The following SUMF1 variants were observed in gnomAD, a reference collection of about 807,000 sequenced individuals.
SUMF1 encodes the protein formylglycine-generating enzyme.
SUMF1 carries 48 observed loss-of-function variants against 47.6 expected under a neutral mutation model. That is an observed-to-expected ratio of 1.01 (90% confidence interval 0.80 to 1.28). The LOEUF is 1.28. SUMF1 is among the 50% of genes most tolerant of loss of function. The pLI is 0.00. For synonymous variants in SUMF1, 230 were observed against 192.1 expected (o/e 1.20, Z -1.63); for missense variants, 571 against 485.4 (o/e 1.18, Z -1.66).
At chr3:4,402,010 A>G (rs770817156) in intron 7 of SUMF1, among the ~76,000 whole-genome samples, 13 of 152,198 alleles carry the variant, frequency 8.5e-5, no homozygotes, top group Non-Finnish European at 1.3e-4. Flanking sequence ...CATAAGAAGT[A>G]GGAAAATATG....
intron 8 of SUMF1, among the ~76,000 whole-genome samples, chr3:4,280,814 CGTGTGT>C (rs56919301): frequency 0.038 from 5,223 of 137,776 alleles, 150 homozygotes; most frequent in East Asian, 0.062. Flanking sequence ...TGGCATTCAC[CGTGTGT>C]GTGTGTGTGT....
chr3:4,273,522 A>G (rs1256354237), intron 8 of SUMF1, among the ~76,000 whole-genome samples: 1 of 152,054 alleles, frequency 6.6e-6, no homozygotes, highest in African/African-American at 2.4e-5. Flanking sequence ...GAAACAGAGG[A>G]TGACTGAAAA....
chr3:4,158,245 G>A (rs1484554107), intron 8 of SUMF1, among the ~76,000 whole-genome samples: 2 of 151,624 alleles, frequency 1.3e-5, no homozygotes, highest in Non-Finnish European at 2.9e-5. Flanking sequence ...CAAATGTTTT[G>A]TATAGTTTCC....
intron 3 of SUMF1, among the ~76,000 whole-genome samples, chr3:4,426,351 C>T (rs747475879): frequency 1.3e-5 from 2 of 152,176 alleles, no homozygotes; most frequent in African/African-American, 2.4e-5. Flanking sequence ...CAACTGAGGA[C>T]TGACGAAATC....
At chr3:4,460,469 CCTGT>C (rs2079781010) in intron 1 of SUMF1, among the ~76,000 whole-genome samples, 1 of 151,974 alleles carries the variant, frequency 6.6e-6, no homozygotes, top group South Asian at 2.1e-4. Flanking sequence ...TCTCTCTTGC[CCTGT>C]CTTTCACCCG....
chr3:4,125,556 C>A (rs1201252710), intron 8 of SUMF1, among the ~76,000 whole-genome samples: 2 of 152,192 alleles, frequency 1.3e-5, no homozygotes, highest in African/African-American at 2.4e-5. Context: ...ATGAGAATGT[C>A]ATGAGAAATA....
intron 8 of SUMF1, among the ~76,000 whole-genome samples, chr3:4,187,306 T>A (rs1396141269): frequency 6.6e-6 from 1 of 152,144 alleles, no homozygotes; most frequent in African/African-American, 2.4e-5. Context: ...GAGCTTGAGG[T>A]TGCAGTGAGC....
chr3:4,367,684 T>C lies in SUMF1; in HGVS notation c.1015-5430A>G, dbSNP rs561861963. On this transcript the variant is annotated intron_variant, in intron 8 of 8. Coordinates refer to ENST00000272902, the MANE Select transcript of SUMF1 (RefSeq NM_182760.4). ...CAGAGCCCTCAGAAATAACGCCGCA[T>C]GTCTACAACTGTCTGATCTTTGACA... is the stretch of plus-strand genomic sequence containing the variant. Among the ~76,000 whole-genome samples the C allele has an allele frequency of 1.2e-3, 176 of 152,290 alleles. 1 individual carries two copies. The South Asian group carries it at 0.013, about 12-fold the overall frequency.
At chr3:4,070,536 T>C (rs1021196115) in intron 8 of SUMF1, among the ~76,000 whole-genome samples, 3 of 152,304 alleles carry the variant, frequency 2.0e-5, no homozygotes, top group African/African-American at 4.8e-5. Context: ...TTCTTAATTA[T>C]GCTACTTTAT....
intron 8 of SUMF1, among the ~76,000 whole-genome samples, chr3:4,129,457 A>C (rs945873507): frequency 6.6e-6 from 1 of 152,156 alleles, no homozygotes; most frequent in African/African-American, 2.4e-5. Flanking sequence ...TCTAGATCAA[A>C]TGGAAAAAAA....
chr3:4,384,351 C>G (rs930907715), intron 7 of SUMF1, among the ~76,000 whole-genome samples: 1 of 152,182 alleles, frequency 6.6e-6, no homozygotes, highest in East Asian at 1.9e-4. Context: ...TCCCCAATGG[C>G]AACATCTTCC....
chr3:4,425,373 T>C (rs971856303), intron 3 of SUMF1, among the ~76,000 whole-genome samples: 1 of 152,226 alleles, frequency 6.6e-6, no homozygotes, highest in African/African-American at 2.4e-5. Context: ...AAGTACCTGG[T>C]ACAGAGTATT....
intron 8 of SUMF1, among the ~76,000 whole-genome samples, chr3:4,089,113 G>A (rs1342006344): frequency 6.6e-6 from 1 of 152,026 alleles, no homozygotes; most frequent in South Asian, 2.1e-4. Context: ...AACATGAAGT[G>A]CAGATTATGT....
At chr3:4,165,423 T>C (rs1694676916) in intron 8 of SUMF1, among the ~76,000 whole-genome samples, 2 of 151,948 alleles carry the variant, frequency 1.3e-5, no homozygotes, top group Admixed American at 6.6e-5. Context: ...TTTACTTATT[T>C]CCTTCTGGGT....
intron 8 of SUMF1, among the ~76,000 whole-genome samples, chr3:4,221,256 C>T (rs1441503506): frequency 6.6e-6 from 1 of 152,100 alleles, no homozygotes; most frequent in Non-Finnish European, 1.5e-5. Context: ...AGATGAACAA[C>T]ACATGTTCCT....
chr3:4,310,206 A>T (rs572900533), intron 8 of SUMF1, among the ~76,000 whole-genome samples: 5 of 152,374 alleles, frequency 3.3e-5, no homozygotes, highest in South Asian at 4.1e-4. Context: ...CTCGAAGTTT[A>T]ACCGCGTGGC....
chr3:4,456,999 T>TAC (rs2079664312), intron 1 of SUMF1, among the ~76,000 whole-genome samples: 5 of 133,812 alleles, frequency 3.7e-5, no homozygotes, highest in South Asian at 2.4e-4. Context: ...TACGTGTGTG[T>TAC]ATATATATAC....
At chr3:4,148,184 G>C (rs962638367) in intron 8 of SUMF1, among the ~76,000 whole-genome samples, 1 of 152,072 alleles carries the variant, frequency 6.6e-6, no homozygotes, top group African/African-American at 2.4e-5. Flanking sequence ...TTTCACCCTA[G>C]CTAATCAGGC....
chr3:4,145,191 T>TAAAAAA (rs35699553), intron 8 of SUMF1, among the ~76,000 whole-genome samples: 1 of 90,504 alleles, frequency 1.1e-5, no homozygotes, highest in Non-Finnish European at 2.1e-5. Flanking sequence ...AAACTCCGTC[T>TAAAAAA]AAAAAAAAAA....
Sources: gnomAD v4.1 joint callset for allele counts (sites outside exome capture counted in the v4.1 genomes callset) on GRCh38, gnomAD v4.1.1 for gene constraint, MANE v1.5 for transcripts, NCBI Gene and HGNC (gene_info 2026-07-23, HGNC 2026-07-21) for gene names.